The following MAPRE2 variants were observed in gnomAD, a reference collection of about 807,000 sequenced individuals.
MAPRE2 encodes microtubule-associated protein RP/EB family member 2.
MAPRE2 carries 13 observed loss-of-function variants against 43.2 expected under a neutral mutation model. The ratio of observed to expected loss-of-function variants is 0.30; its 90% CI spans 0.20 to 0.48. The LOEUF is 0.48. Ranked by LOEUF, MAPRE2 falls within the 20% of genes least tolerant of loss-of-function variation. MAPRE2 has a pLI of 0.99. For synonymous variants in MAPRE2, 135 were observed against 148.8 expected, an observed-to-expected ratio of 0.91 and a Z score of 0.68; for missense variants, 161 against 400.2, an observed-to-expected ratio of 0.40 and a Z score of 5.10.
chr18:35,020,384 C>T (rs2097041134), intron 2 of MAPRE2, among the ~76,000 whole-genome samples: 4 of 152,226 alleles, frequency 2.6e-5, no homozygotes, highest in Admixed American at 6.5e-5. Flanking sequence ...GGTAGTTTCT[C>T]TCATGGAATT....
intron 4 of MAPRE2, among the ~76,000 whole-genome samples, chr18:35,125,579 C>T (rs369615638): frequency 8.0e-4 from 122 of 152,312 alleles, no homozygotes; most frequent in African/African-American, 2.8e-3. Flanking sequence ...ACACCTGCAC[C>T]ACACTGAAGG....
At chr18:35,048,056 A>C (rs1905725553) in intron 1 of MAPRE2, among the ~76,000 whole-genome samples, 1 of 152,254 alleles carries the variant, frequency 6.6e-6, no homozygotes, top group Admixed American at 6.5e-5. Context: ...ATTGGCTTAC[A>C]GTTCTGCAGG....
intron 2 of MAPRE2, among the ~76,000 whole-genome samples, chr18:35,085,570 A>G (rs980547309): frequency 1.3e-5 from 2 of 152,232 alleles, no homozygotes; most frequent in African/African-American, 4.8e-5. Context: ...CACCAGAGGC[A>G]GCAGTGTTAT....
intron 1 of MAPRE2, among the ~76,000 whole-genome samples, chr18:34,994,104 T>C (rs2097025234): frequency 6.6e-6 from 1 of 151,734 alleles, no homozygotes; most frequent in Admixed American, 6.6e-5. Flanking sequence ...AGCTGCTTCC[T>C]GGCTCTCCAG....
chr18:35,086,257 G>A (rs1907871083), intron 2 of MAPRE2, among the ~76,000 whole-genome samples: 1 of 151,340 alleles, frequency 6.6e-6, no homozygotes, highest in Admixed American at 6.6e-5. Flanking sequence ...ACACCAATAA[G>A]ATATATATAT....
At chr18:35,121,719 A>T (rs923206476) in intron 4 of MAPRE2, among the ~76,000 whole-genome samples, 1 of 152,234 alleles carries the variant, frequency 6.6e-6, no homozygotes, top group East Asian at 1.9e-4. Flanking sequence ...CATAAGCATC[A>T]TTGAGCCAAG....
chr18:35,115,912 T>C (rs1447110106), intron 4 of MAPRE2, among the ~76,000 whole-genome samples: 4 of 152,352 alleles, frequency 2.6e-5, no homozygotes, highest in African/African-American at 9.6e-5. Flanking sequence ...TCCTTGCTCT[T>C]TTTGTGAAAG....
chr18:34,982,756 G>A (rs996651878), intron 1 of MAPRE2, among the ~76,000 whole-genome samples: 1 of 152,128 alleles, frequency 6.6e-6, no homozygotes, highest in African/African-American at 2.4e-5. Flanking sequence ...ATTACATTAA[G>A]CTGTGTTGAG....
intron 2 of MAPRE2, among the ~76,000 whole-genome samples, chr18:35,017,131 T>C (rs896660804): frequency 6.6e-6 from 1 of 151,986 alleles, no homozygotes; most frequent in Admixed American, 6.6e-5. Flanking sequence ...TTCTGAGTTC[T>C]CTACTCTGTT....
rs116892156 is a variant in MAPRE2, at chr18:35,096,446, A to G, written c.251-1000A>G. ...AGTAAGAAGATATGAATCAGTAAAC[A>G]CAGCTTGCCAGAATTTCCCAGTTGT... is the stretch of plus-strand genomic sequence containing the variant. On this transcript the variant is annotated intron_variant, in intron 2 of 6. Transcript: ENST00000300249. Among the ~76,000 whole-genome samples, 1,223 of 152,318 alleles carry G rather than the reference A, an allele frequency of 8.0e-3. 5 individuals are homozygous for G. The highest frequency in any genetic ancestry group is 0.012 in the Non-Finnish European group (825 of 68,016).
chr18:35,014,214 A>T lies in MAPRE2; in HGVS notation c.-8+8661A>T, dbSNP rs374051900. Among the ~76,000 whole-genome samples the T allele has an allele frequency of 1.1e-4, 16 of 152,238 alleles. 1 individual carries two copies. Among genetic ancestry groups the T allele is most frequent in the Admixed American group, 4.6e-4 (7 of 15,270 alleles). ...ATGCAAGGCCATCTGCTAAGGGAAGAGAAGGTGGTAGGGTCGGAGATATAA... is the reference window on the plus strand; with the variant it reads ...ATGCAAGGCCATCTGCTAAGGGAAGTGAAGGTGGTAGGGTCGGAGATATAA... On this transcript the variant is annotated intron_variant, in intron 2 of 7. Transcript: ENST00000413393.
chr18:35,028,051 T>A lies in MAPRE2; in HGVS notation c.-8+22498T>A, dbSNP rs545547421. On this transcript the variant is annotated intron_variant, in intron 2 of 7. Transcript: ENST00000413393. Reference sequence around the variant, plus strand: ...ATGGTAGTCCCAGGGTAGCTGAACTTCTCACAGGGCAGCTGACCTTTAAGA... The same window carrying A: ...ATGGTAGTCCCAGGGTAGCTGAACTACTCACAGGGCAGCTGACCTTTAAGA... Among the ~76,000 whole-genome samples, 6 of 152,292 alleles carry A rather than the reference T, an allele frequency of 3.9e-5. No individual in the cohort carries two copies. In the East Asian group the frequency reaches 1.2e-3, roughly 29 times the overall value.
chr18:35,120,427 A>G (rs982205746), intron 4 of MAPRE2, among the ~76,000 whole-genome samples: 1 of 152,236 alleles, frequency 6.6e-6, no homozygotes, highest in Non-Finnish European at 1.5e-5. Context: ...CATGAATCAG[A>G]GCATCCCAGA....
At chr18:35,038,719 C>T (rs1326777031), upstream of MAPRE2, among the ~76,000 whole-genome samples, 1 of 152,154 alleles carries the variant, frequency 6.6e-6, no homozygotes, top group African/African-American at 2.4e-5. Flanking sequence ...CCCTAGGGCT[C>T]AGCTGGAAAA....
intron 4 of MAPRE2, among the ~76,000 whole-genome samples, chr18:35,117,923 A>T (rs1274786242): frequency 6.6e-6 from 1 of 152,182 alleles, no homozygotes; most frequent in Non-Finnish European, 1.5e-5. Context: ...TTTAAGATGC[A>T]GAACGCTTTC....
At chr18:35,074,547 C>T (rs1907253269) in intron 2 of MAPRE2, among the ~76,000 whole-genome samples, 1 of 152,032 alleles carries the variant, frequency 6.6e-6, no homozygotes, top group African/African-American at 2.4e-5. Flanking sequence ...TTTTCCTCTC[C>T]CTCACTCCTC....
At chr18:35,032,956 T>G (rs1205073234) in intron 2 of MAPRE2, among the ~76,000 whole-genome samples, 1 of 152,184 alleles carries the variant, frequency 6.6e-6, no homozygotes. Flanking sequence ...TCCCATTAGT[T>G]GCAGATACGT....
intron 4 of MAPRE2, among the ~76,000 whole-genome samples, chr18:35,125,024 T>C (rs1418984394): frequency 1.3e-5 from 2 of 152,206 alleles, no homozygotes; most frequent in Admixed American, 1.3e-4. Flanking sequence ...ACCCTGAGAA[T>C]ATTCAAACTA....
At chr18:35,051,558 T>G (rs1407448435) in intron 1 of MAPRE2, among the ~76,000 whole-genome samples, 1 of 152,214 alleles carries the variant, frequency 6.6e-6, no homozygotes. Context: ...ATTTGGTCTG[T>G]ACCGAAAAGG....
Sources: gnomAD v4.1 joint callset for allele counts (sites outside exome capture counted in the v4.1 genomes callset) on GRCh38, gnomAD v4.1.1 for gene constraint, MANE v1.5 for transcripts, NCBI Gene and HGNC (gene_info 2026-07-23, HGNC 2026-07-21) for gene names.